Variants in EFS observed in about 807,000 individuals in gnomAD.
EFS encodes Cas scaffolding protein family member 3.
In EFS, 34 loss-of-function variants were observed where a neutral mutation model predicts 42.2. The ratio of observed to expected loss-of-function variants is 0.81; its 90% CI spans 0.61 to 1.07. EFS has a LOEUF of 1.07. Ranked by LOEUF, EFS falls within the 50% of genes least tolerant of loss-of-function variation. The pLI is 0.00. For missense variants in EFS, 717 were observed against 729.4 expected (o/e 0.98, Z 0.20); for synonymous variants, 299 against 320.7 (o/e 0.93, Z 0.72).
In EFS at chr14:23,359,369, T is replaced by C. The variant is rs779192810; in HGVS notation, c.1109A>G (p.Asn370Ser). The stretch of plus-strand genomic sequence containing the variant: ...GGCCATCGGAATGCCCTCGTACTCA[T>C]TGTGGTGTCCTGCTGGGTCATCCTC... ...EMEDDPAGHH[N>S]EYEGIPMAEE... The change falls in exon 4 of 6, where the codon AAT (asparagine) becomes AGT (serine). Residue 370 changes from asparagine (N) to serine (S), a missense_variant. Physicochemically the swap from Asn to Ser is conservative, Grantham distance 46. Transcript: ENST00000216733. The C allele has an allele frequency of 3.7e-5, 60 of 1,612,906 alleles. No individual in the cohort carries two copies. In the Admixed American group the frequency reaches 4.7e-4, roughly 13 times the overall value.
chr14:23,360,990 T>G (rs948944834), intron 1 of EFS, among the ~76,000 whole-genome samples, 157 bp from the exon 2 acceptor site: 3 of 152,200 alleles, frequency 2.0e-5, no homozygotes, highest in Non-Finnish European at 1.5e-5. Flanking sequence ...TCTCTCCAGC[T>G]TCACCGCTTG....
At chr14:23,364,226 GT>G (rs1890247200) in intron 1 of EFS, among the ~76,000 whole-genome samples, 4 of 152,222 alleles carry the variant, frequency 2.6e-5, no homozygotes, top group Admixed American at 2.6e-4. Context: ...TTAGGACTGA[GT>G]TCTGTCCAAT....
rs1003034332 is a variant in EFS at position 23,360,136 on chromosome 14, C to G, written c.438+5G>C. 9 of 1,614,074 alleles carry G rather than the reference C, an allele frequency of 5.6e-6. No homozygotes were observed. The highest frequency in any genetic ancestry group is 1.6e-4 in the Middle Eastern group (1 of 6,084). ...CCAACATACACAGGGACCTCTAGCC[C>G]TCACCTCCAAGGCATCTCTGGGAGC... On this transcript the variant is annotated splice_donor_5th_base_variant and intron_variant, in intron 3 of 5. Coordinates refer to ENST00000216733, the MANE Select transcript of EFS (RefSeq NM_005864.4).
In EFS at chr14:23,358,865, G is replaced by T. The variant is rs2231808; in HGVS notation, c.1251+11C>A. On this transcript the variant is annotated intron_variant, in intron 5 of 5. Transcript: ENST00000216733. ...TGTCCCCTTCTCTAGCACCATTCCC[G>T]CCAGGGTCACCTGCGGCGCCGGCAT... The T allele has an allele frequency of 6.2e-7, 1 of 1,603,476 alleles. No individual in the cohort carries two copies. Among genetic ancestry groups the T allele is most frequent in the Non-Finnish European group, 8.5e-7 (1 of 1,175,108 alleles).
rs1249448465 is a variant in EFS, at chr14:23,359,690, G to C, written c.788C>G (p.Pro263Arg). The C allele has an allele frequency of 6.6e-7, 1 of 1,511,794 alleles. No individual in the cohort carries two copies. Among genetic ancestry groups the C allele is most frequent in the African/African-American group, 1.4e-5 (1 of 71,190 alleles). The allele number at this position is 1,511,794 out of a possible 1,614,324, so 93.6% of individuals were successfully genotyped here. A position where few individuals can be genotyped will look rare whatever the true frequency, so the allele number is the denominator to read the frequency against. Residue 263 changes from proline (P) to arginine (R), a missense_variant, in exon 4 of 6, where the codon CCC becomes CGC. By Grantham distance (103) the Pro-to-Arg change is moderately radical (BLOSUM62 -2). Transcript: ENST00000216733. Reference protein sequence around the residue: ...YDVPLLGPEAPPSPEPPGALA... With the variant: ...YDVPLLGPEARPSPEPPGALA... ...GGCTCCAGGGGGCTCTGGAGAAGGGGGAGCCTCTGGCCCCAGCAGAGGCAC... is the reference window on the plus strand; with the variant it reads ...GGCTCCAGGGGGCTCTGGAGAAGGGCGAGCCTCTGGCCCCAGCAGAGGCAC...
intron 1 of EFS, among the ~76,000 whole-genome samples, chr14:23,364,369 G>C (rs532201313): frequency 6.6e-6 from 1 of 152,252 alleles, no homozygotes; most frequent in African/African-American, 2.4e-5. Flanking sequence ...GCCTAATGTA[G>C]GTGGCAGAGA....
rs1197341404 is a variant in EFS at position 23,357,638 on chromosome 14, G to T, written c.1274C>A (p.Pro425Gln). ...CAGATCTCCGGTGGACACAACCAGT[G>T]GCTCCCCTGGGGACAGGGCCTCCTG... ...APQEALSPGE[P>Q]LVVSTGDLQL... The change falls in exon 6 of 6, where the codon CCA (proline) becomes CAA (glutamine). Residue 425 changes from proline to glutamine, a missense_variant. Pro to Gln is a moderately conservative substitution (Grantham distance 76). Coordinates refer to ENST00000216733, the MANE Select transcript of EFS (RefSeq NM_005864.4). The T allele has an allele frequency of 6.5e-7, 1 of 1,544,478 alleles. No homozygotes were observed.
In EFS at chr14:23,357,647, G is replaced by C; in HGVS notation, c.1265C>G (p.Pro422Arg). ...GMPAPQEALS[P>R]GEPLVVSTGD... ...GGTGGACACAACCAGTGGCTCCCCTGGGGACAGGGCCTCCTGAAGGGCAAG... is the reference window on the plus strand; with the variant it reads ...GGTGGACACAACCAGTGGCTCCCCTCGGGACAGGGCCTCCTGAAGGGCAAG... The change falls in exon 6 of 6, where the codon CCA becomes CGA. Residue 422 changes from proline to arginine, a missense_variant. By Grantham distance (103) the Pro-to-Arg change is moderately radical. Transcript: ENST00000216733. The C allele has an allele frequency of 6.5e-7, 1 of 1,537,010 alleles. No individual in the cohort carries two copies. Among genetic ancestry groups the C allele is most frequent in the Non-Finnish European group, 8.8e-7 (1 of 1,134,828 alleles).
intron 1 of EFS, among the ~76,000 whole-genome samples, chr14:23,362,332 C>CA (rs370659852): frequency 6.6e-6 from 1 of 152,076 alleles, no homozygotes; most frequent in Admixed American, 6.5e-5. Context: ...ACTAATTCAG[C>CA]AAAAAAATCT....
At position 23,357,330 on chromosome 14, in the gene EFS, C is replaced by T. The variant is rs150207814; in HGVS notation, c.1582G>A (p.Gly528Ser). The T allele has an allele frequency of 5.3e-5, 86 of 1,611,764 alleles. No individual in the cohort carries two copies. The African/African-American group carries it at 1.1e-3, about 20-fold the overall frequency. Residue 528 changes from glycine (G) to serine (S), a missense_variant, in exon 6 of 6, where the codon GGC becomes AGC. Coordinates refer to ENST00000216733, the MANE Select transcript of EFS (RefSeq NM_005864.4). ...TVLAVKGAAL[G>S]YPSSPAIQEM... is the part of the protein sequence containing the mutation. Reference sequence around the variant, plus strand: ...TGGATGGCAGGGCTGGATGGGTAGCCCAGGGCAGCTCCCTTGACAGCCAGC... The same window carrying T: ...TGGATGGCAGGGCTGGATGGGTAGCTCAGGGCAGCTCCCTTGACAGCCAGC...
At chr14:23,364,911 G>GGA in intron 1 of EFS, 97 bp downstream of exon 1, 2 of 1,124,840 alleles carry the variant, frequency 1.8e-6, no homozygotes, top group Admixed American at 4.2e-5. Context: ...AAGGGACCAA[G>GGA]GAGAGAGACA....
At chr14:23,359,243 T>C in intron 4 of EFS, 74 bp downstream of exon 4, 3 of 1,602,432 alleles carry the variant, frequency 1.9e-6, no homozygotes, top group Non-Finnish European at 2.6e-6. Flanking sequence ...TCTGCCTCTG[T>C]GCCCTAGGTC....
At chr14:23,359,072 C>A in intron 4 of EFS, 107 bp from the exon 5 acceptor site, 1 of 1,201,554 alleles carries the variant, frequency 8.3e-7, no homozygotes, top group Non-Finnish European at 1.2e-6. Context: ...GAAGGACACT[C>A]CTGTTATCAG....
Position 23,357,510 on chromosome 14 carries a change from G to A in EFS, c.1402C>T (p.Arg468Cys), listed in dbSNP as rs138311946. Reference sequence around the variant, plus strand: ...CTCTTGCTGTGGGGCACGAAAAGGCGCGGGGGCTGATTAGCCTGGGTACTG... The same window carrying A: ...CTCTTGCTGTGGGGCACGAAAAGGCACGGGGGCTGATTAGCCTGGGTACTG... ...MSSTQANQPP[R>C]LFVPHSKRVV... Residue 468 changes from arginine to cysteine, a missense_variant, in exon 6 of 6, where the codon CGC becomes TGC. By Grantham distance (180) the Arg-to-Cys change is radical (BLOSUM62 -3). Coordinates refer to ENST00000216733, the MANE Select transcript of EFS (RefSeq NM_005864.4). 5.9e-5 allele frequency: 96 copies of A among 1,613,820 alleles called. No individual in the cohort carries two copies. The highest frequency in any genetic ancestry group is 7.4e-5 in the Non-Finnish European group (87 of 1,179,976).
At position 23,359,956 on chromosome 14, in the gene EFS, G is replaced by A; in HGVS notation, c.522C>T (p.Thr174=). The A allele has an allele frequency of 1.3e-6, 2 of 1,573,062 alleles. No homozygotes were observed. The highest frequency in any genetic ancestry group is 1.7e-6 in the Non-Finnish European group (2 of 1,160,582). Reference sequence around the variant, plus strand: ...CTCCAGGGGGCTGCGGGGCAACCCGGGTCAGAGGGTGGGAAAAGGAGGCAG... The same window carrying A: ...CTCCAGGGGGCTGCGGGGCAACCCGAGTCAGAGGGTGGGAAAAGGAGGCAG... The part of the protein sequence containing the change: ...DCPASFSHPL[T]RVAPQPPGED... Residue 174 remains threonine, a synonymous_variant, in exon 4 of 6, where the codon ACC becomes ACT. Coordinates refer to ENST00000216733, the MANE Select transcript of EFS (RefSeq NM_005864.4).
At chr14:23,359,211 G>A in intron 4 of EFS, 106 bp downstream of exon 4, 2 of 1,536,988 alleles carry the variant, frequency 1.3e-6, no homozygotes, top group Non-Finnish European at 1.8e-6. Flanking sequence ...AGGGAAGGGG[G>A]ACAGAAGGGA....
At chr14:23,360,062 A>G (rs1267855209) in intron 3 of EFS, 23 bp from the exon 4 acceptor site, 1 of 1,613,836 alleles carries the variant, frequency 6.2e-7, no homozygotes. Context: ...GTGGTCAGTC[A>G]TCTGTCAGCT....
At position 23,359,570 on chromosome 14, in the gene EFS, G is replaced by T; in HGVS notation, c.908C>A (p.Ser303Tyr). Residue 303 changes from serine to tyrosine, a missense_variant, in exon 4 of 6, where the codon TCC (serine) becomes TAC (tyrosine). Transcript: ENST00000216733. ...RPRLPSAESL[S>Y]RRPLPALPVP... The stretch of plus-strand genomic sequence containing the variant: ...AGGCAGGGCAGGCAGAGGGCGGCGG[G>T]ACAGGCTCTCAGCTGAGGGGAGCCG... 1 of 1,474,358 alleles carries T rather than the reference G, an allele frequency of 6.8e-7. No homozygotes were observed. Among genetic ancestry groups the T allele is most frequent in the South Asian group, 1.4e-5 (1 of 73,268 alleles). The allele number at this position is 1,474,358 out of a possible 1,614,324, so 91.3% of individuals were successfully genotyped here.
Position 23,365,069 on chromosome 14 carries a change from T to C in EFS, c.-44A>G. The C allele has an allele frequency of 7.8e-7, 1 of 1,282,678 alleles. No homozygotes were observed. The highest frequency in any genetic ancestry group is 9.9e-7 in the Non-Finnish European group (1 of 1,005,518). The allele number at this position is 1,282,678 out of a possible 1,614,324, so 79.5% of individuals were successfully genotyped here. ...AGCCTGCCTCAGGCCAGGCTCGGTTTTGCTGACTTCAGCGGTGGCTGCCCC... is the reference window on the plus strand; with the variant it reads ...AGCCTGCCTCAGGCCAGGCTCGGTTCTGCTGACTTCAGCGGTGGCTGCCCC... On this transcript the variant is annotated 5_prime_UTR_variant, in exon 1 of 6. Coordinates refer to ENST00000216733, the MANE Select transcript of EFS (RefSeq NM_005864.4). The surrounding 1 kb of genome is among the most constrained non-coding windows in gnomAD (Gnocchi z 5.3).
Sources: allele counts gnomAD v4.1 joint callset (sites outside exome capture counted in the v4.1 genomes callset), GRCh38; gene constraint gnomAD v4.1.1; non-coding constraint Gnocchi (gnomAD v3.1); transcripts MANE v1.5; gene names NCBI Gene and HGNC (gene_info 2026-07-23, HGNC 2026-07-21).